PTPRD: variants seen among roughly 807,000 people sequenced by gnomAD.
The protein encoded by PTPRD is protein tyrosine phosphatase receptor type D.
In PTPRD, 34 loss-of-function variants were observed where a neutral mutation model predicts 214.5. The observed-to-expected ratio is 0.16, with a 90% CI of 0.12 to 0.21. The LOEUF is 0.21. PTPRD is among the 10% of genes least tolerant of loss of function. The pLI, the probability that PTPRD is intolerant of heterozygous loss-of-function variation, is 1.00. For synonymous variants in PTPRD, 1,128 were observed against 845.7 expected, an observed-to-expected ratio of 1.33 and a Z score of -5.79; for missense variants, 2,545 against 2,398.7, an observed-to-expected ratio of 1.06 and a Z score of -1.27.
intron 4 of PTPRD, among the ~76,000 whole-genome samples, chr9:9,962,776 T>C (rs568194117): frequency 6.6e-6 from 1 of 152,230 alleles, no homozygotes; most frequent in South Asian, 2.1e-4. Context: ...AAGTTTCATA[T>C]TTATACATCT....
At chr9:9,066,765 A>C (rs1292794312) in intron 10 of PTPRD, among the ~76,000 whole-genome samples, 1 of 152,232 alleles carries the variant, frequency 6.6e-6, no homozygotes, top group Non-Finnish European at 1.5e-5. Flanking sequence ...GTAGCTATCC[A>C]AAGCTGGAAG....
At chr9:9,780,098 A>C (rs1257926158) in intron 5 of PTPRD, among the ~76,000 whole-genome samples, 1 of 152,208 alleles carries the variant, frequency 6.6e-6, no homozygotes. Flanking sequence ...GTAGGAAATC[A>C]CATTCTTTGG....
chr9:10,275,125 A>G (rs1439524576), intron 3 of PTPRD, among the ~76,000 whole-genome samples: 2 of 152,178 alleles, frequency 1.3e-5, no homozygotes, highest in African/African-American at 4.8e-5. Flanking sequence ...TAGCACATCT[A>G]AAAGGACACT....
chr9:10,122,200 C>T (rs1461423689), intron 3 of PTPRD, among the ~76,000 whole-genome samples: 8 of 151,954 alleles, frequency 5.3e-5, no homozygotes, highest in Non-Finnish European at 1.2e-4. Flanking sequence ...CCCAGCTACT[C>T]GGGAGGCTGA....
intron 2 of PTPRD, among the ~76,000 whole-genome samples, chr9:10,507,311 A>G (rs2046333355): frequency 6.6e-6 from 1 of 152,148 alleles, no homozygotes; most frequent in Non-Finnish European, 1.5e-5. Flanking sequence ...CACAAAACAA[A>G]TGGAAGAACA....
intron 2 of PTPRD, among the ~76,000 whole-genome samples, chr9:10,523,618 T>TAGAGAGAGAGAGAG (rs201735410): frequency 1.7e-5 from 2 of 116,138 alleles, no homozygotes; most frequent in Non-Finnish European, 1.9e-5. Flanking sequence ...TATATATATA[T>TAGAGAGAGAGAGAG]ATATAGACAG....
At chr9:8,943,692 T>G (rs1020587829) in intron 11 of PTPRD, among the ~76,000 whole-genome samples, 1 of 151,048 alleles carries the variant, frequency 6.6e-6, no homozygotes, top group Middle Eastern at 3.4e-3. Context: ...CTGGGAAAAC[T>G]AGATATCCAC....
chr9:9,358,699 A>G (rs1321277046), intron 9 of PTPRD, among the ~76,000 whole-genome samples: 1 of 151,340 alleles, frequency 6.6e-6, no homozygotes, highest in Non-Finnish European at 1.5e-5. Flanking sequence ...ACCCAGAGAG[A>G]ATGGTAGAAC....
chr9:9,472,380 T>G (rs983327477), intron 8 of PTPRD, among the ~76,000 whole-genome samples: 2 of 151,928 alleles, frequency 1.3e-5, no homozygotes, highest in Middle Eastern at 3.4e-3. Context: ...ATTTTTTGTA[T>G]TTTTAGTAGA....
intron 7 of PTPRD, among the ~76,000 whole-genome samples, chr9:9,673,788 G>A (rs947235661): frequency 6.7e-6 from 1 of 149,448 alleles, no homozygotes; most frequent in Non-Finnish European, 1.5e-5. Flanking sequence ...ACCCCAAAAA[G>A]ATCAGGAAAG....
chr9:10,088,785 A>C (rs530053312), intron 3 of PTPRD, among the ~76,000 whole-genome samples: 1 of 151,836 alleles, frequency 6.6e-6, no homozygotes, highest in East Asian at 1.9e-4. Context: ...GGCCAGCATA[A>C]TAGCTAATCA....
In PTPRD at chr9:10,194,333, TATATATATATATAGAGAGAGAG is replaced by T. The variant is rs1167216464; in HGVS notation, c.-545+146608_-545+146629del. ...ATAGCTATTCATATATATATATATA[TATATATATATATAGAGAGAGAG>T]AGAGAGAGAGAGAGAGAGAGAGAGA... On this transcript the variant is annotated intron_variant, in intron 3 of 45. Transcript: ENST00000381196. 1.3e-4 allele frequency among the ~76,000 whole-genome samples: 8 copies of T among 63,380 alleles called. No individual in the cohort carries two copies. In the East Asian group the frequency reaches 2.1e-3, roughly 17 times the overall value. The allele number at this position is 63,380 out of a possible 152,430, so 41.6% of individuals were successfully genotyped here.
intron 37 of PTPRD, among the ~76,000 whole-genome samples, chr9:8,388,474 T>C (rs957036768): frequency 7.2e-5 from 11 of 152,270 alleles, no homozygotes; most frequent in African/African-American, 2.2e-4. Flanking sequence ...AGGTTAAAGG[T>C]TGATTTTCTT....
intron 3 of PTPRD, among the ~76,000 whole-genome samples, chr9:10,153,771 G>A (rs2099076684): frequency 1.3e-5 from 2 of 152,044 alleles, no homozygotes; most frequent in East Asian, 1.9e-4. Context: ...TTATAAATTA[G>A]AACATGTGGT....
chr9:8,884,852 G>C (rs1433384237), intron 11 of PTPRD, among the ~76,000 whole-genome samples: 1 of 152,182 alleles, frequency 6.6e-6, no homozygotes, highest in Non-Finnish European at 1.5e-5. Context: ...TGTTGGGCTT[G>C]CTGTGGGCAC....
chr9:8,760,537 C>A (rs2094345103), intron 11 of PTPRD, among the ~76,000 whole-genome samples: 1 of 151,902 alleles, frequency 6.6e-6, no homozygotes, highest in Non-Finnish European at 1.5e-5. Flanking sequence ...GTCAGCATTA[C>A]AAAATGTGGA....
At chr9:9,756,026 A>G (rs929079858) in intron 6 of PTPRD, among the ~76,000 whole-genome samples, 8 of 151,960 alleles carry the variant, frequency 5.3e-5, no homozygotes, top group African/African-American at 1.9e-4. Flanking sequence ...ATCTCCTTCA[A>G]TTCTTATATT....
chr9:8,490,453 T>C (rs1465971940), intron 27 of PTPRD, among the ~76,000 whole-genome samples: 2 of 152,182 alleles, frequency 1.3e-5, no homozygotes, highest in Admixed American at 6.5e-5. Context: ...ACAATCACAA[T>C]TGACTAGACT....
chr9:10,297,160 G>T (rs1317637484), intron 3 of PTPRD, among the ~76,000 whole-genome samples: 2 of 149,036 alleles, frequency 1.3e-5, no homozygotes, highest in Non-Finnish European at 3.0e-5. Context: ...AATTTCTAGG[G>T]TACATGTGCA....
Sources: gnomAD v4.1 joint callset for allele counts (sites outside exome capture counted in the v4.1 genomes callset) on GRCh38, gnomAD v4.1.1 for gene constraint, MANE v1.5 for transcripts, NCBI Gene and HGNC (gene_info 2026-07-23, HGNC 2026-07-21) for gene names.